The following INSYN2A variants were observed in gnomAD, a reference collection of about 807,000 sequenced individuals.
The protein encoded by INSYN2A is inhibitory synaptic factor 2A.
INSYN2A carries 17 observed loss-of-function variants against 39.4 expected under a neutral mutation model. The ratio of observed to expected loss-of-function variants is 0.43; its 90% confidence interval spans 0.30 to 0.65. INSYN2A has a LOEUF of 0.65. Ranked by LOEUF, INSYN2A falls within the 30% of genes least tolerant of loss-of-function variation. INSYN2A has a pLI of 0.14. For missense variants in INSYN2A, 595 were observed against 631.2 expected (o/e 0.94, Z 0.61); for synonymous variants, 255 against 265.7 (o/e 0.96, Z 0.39).
rs2050743416 is a variant in INSYN2A at position 127,136,827 on chromosome 10, G to A, written c.*1010C>T. The A allele has an allele frequency of 1.3e-5, 2 of 152,562 alleles. No individual in the cohort carries two copies. The highest frequency in any genetic ancestry group is 4.1e-4 in the South Asian group (2 of 4,822). The allele number at this position is 152,562 out of a possible 1,614,324, so 9.5% of individuals were successfully genotyped here. A position where few individuals can be genotyped will look rare whatever the true frequency, so the allele number is the denominator to read the frequency against. On this transcript the variant is annotated 3_prime_UTR_variant, in exon 6 of 6. Coordinates refer to ENST00000522781, the MANE Select transcript of INSYN2A (RefSeq NM_001039762.3). ...GCACTGTTTCTCTTTGAGATGGTCA[G>A]GGCTTCCACCATTAATACAAAGCAT...
intron 4 of INSYN2A, among the ~76,000 whole-genome samples, chr10:127,173,672 G>C (rs1224508504): frequency 6.6e-6 from 1 of 151,966 alleles, no homozygotes; most frequent in African/African-American, 2.4e-5. Context: ...TCAGTGACTG[G>C]GTCAATGTTT....
Position 127,175,401 on chromosome 10 carries a change from C to T in INSYN2A, c.995G>A (p.Gly332Glu). 1 of 1,613,698 alleles carries T rather than the reference C, an allele frequency of 6.2e-7. No homozygotes were observed. Among genetic ancestry groups the T allele is most frequent in the Non-Finnish European group, 8.5e-7 (1 of 1,180,044 alleles). ...AACCGCTGTGGGACTAGGCTGGTTC[C>T]CCAGCCCCGGCGGGGTGTGAGTCTG... ...PSQTHTPPGL[G>E]NQPSPTAVAA... Residue 332 changes from glycine (G) to glutamate (E), a missense_variant, in exon 4 of 6, where the codon GGG becomes GAG. Physicochemically the swap from Gly to Glu is moderately conservative, Grantham distance 98. Transcript: ENST00000522781. The surrounding 1 kb of genome is among the most constrained non-coding windows in gnomAD (Gnocchi z 6.3).
intron 4 of INSYN2A, among the ~76,000 whole-genome samples, chr10:127,174,515 C>A (rs146958820): frequency 5.3e-5 from 8 of 152,262 alleles, no homozygotes; most frequent in African/African-American, 1.7e-4. Flanking sequence ...GCAAGATGGT[C>A]TTATCAACGC....
At chr10:127,149,738 G>A (rs1018822801) in intron 5 of INSYN2A, among the ~76,000 whole-genome samples, 1 of 152,204 alleles carries the variant, frequency 6.6e-6, no homozygotes, top group African/African-American at 2.4e-5. Flanking sequence ...TGGCAGCTGT[G>A]ATGGCCCCAC....
In INSYN2A at chr10:127,196,533, C is replaced by T. The variant is rs1402702199; in HGVS notation, c.-931G>A. On this transcript the variant is annotated 5_prime_UTR_variant, in exon 1 of 6. Transcript: ENST00000522781. ...AGCCGGGCGGCCAGAGGCGAGGGCG[C>T]CCCAAGCCGCGCGCCTGCCGCCTGT... Among the ~76,000 whole-genome samples the T allele has an allele frequency of 2.0e-5, 3 of 147,434 alleles. No homozygotes were observed. The highest frequency in any genetic ancestry group is 7.3e-5 in the African/African-American group (3 of 40,850).
chr10:127,155,002 T>C (rs1469134247), intron 4 of INSYN2A, among the ~76,000 whole-genome samples: 2 of 152,196 alleles, frequency 1.3e-5, no homozygotes, highest in Admixed American at 6.5e-5. Flanking sequence ...TTCTGGATAT[T>C]ATTTTGTGTC....
At position 127,176,312 on chromosome 10, in the gene INSYN2A, C is replaced by T. The variant is rs772129249; in HGVS notation, c.84G>A (p.Met28Ile). The T allele has an allele frequency of 6.2e-7, 1 of 1,614,116 alleles. No individual in the cohort carries two copies. Among genetic ancestry groups the T allele is most frequent in the South Asian group, 1.1e-5 (1 of 91,066 alleles). ...GCCGGTTGGGGTCCAGGGCGTATTT[C>T]ATCTCCAGGGCCAGGCAGGCGGCGG... ...VEPAACLALE[M>I]KYALDPNRQI... The change falls in exon 4 of 6, where the codon ATG becomes ATA. Residue 28 changes from methionine (M) to isoleucine (I), a missense_variant. Met to Ile is a conservative substitution (Grantham distance 10, BLOSUM62 1). This residue lies in a region of INSYN2A where 478 missense variants were observed against 467.4 expected (regional missense o/e 1.02). Coordinates refer to ENST00000522781, the MANE Select transcript of INSYN2A (RefSeq NM_001039762.3). The surrounding 1 kb of genome is among the most constrained non-coding windows in gnomAD (Gnocchi z 4.4).
rs181688928 is a variant in INSYN2A at position 127,138,093 on chromosome 10, G to A, written c.1257-73C>T. ...TGAAGATCCCTCTTAGTGTCAGCAAGATTTGGGCATGATCAGTGTGTGTTT... is the reference window on the plus strand; with the variant it reads ...TGAAGATCCCTCTTAGTGTCAGCAAAATTTGGGCATGATCAGTGTGTGTTT... On this transcript the variant is annotated intron_variant, in intron 5 of 5. Coordinates refer to ENST00000522781, the MANE Select transcript of INSYN2A (RefSeq NM_001039762.3). 1.6e-5 allele frequency: 21 copies of A among 1,336,166 alleles called. No homozygotes were observed. In the African/African-American group the frequency reaches 2.9e-4, roughly 19 times the overall value. 82.8% of individuals were successfully genotyped at this position (1,336,166 alleles called of 1,614,324 possible).
chr10:127,142,875 T>C (rs1184870655), intron 5 of INSYN2A, among the ~76,000 whole-genome samples: 2 of 152,220 alleles, frequency 1.3e-5, no homozygotes, highest in African/African-American at 4.8e-5. Context: ...ATGAAAGTTT[T>C]AAGTGTGGGG....
chr10:127,146,671 G>GA (rs1453559406), intron 5 of INSYN2A, among the ~76,000 whole-genome samples: 1 of 152,136 alleles, frequency 6.6e-6, no homozygotes, highest in Non-Finnish European at 1.5e-5. Flanking sequence ...GGCAAAAGGC[G>GA]AATTTCCCCC....
chr10:127,173,428 A>G (rs1317189277), intron 4 of INSYN2A, among the ~76,000 whole-genome samples: 1 of 152,158 alleles, frequency 6.6e-6, no homozygotes, highest in Non-Finnish European at 1.5e-5. Flanking sequence ...GCAATCTTCC[A>G]TACTTGTTCT....
At chr10:127,185,408 C>T (rs2056137232) in intron 2 of INSYN2A, among the ~76,000 whole-genome samples, 1 of 152,130 alleles carries the variant, frequency 6.6e-6, no homozygotes, top group South Asian at 2.1e-4. Context: ...TGCCTGTAAT[C>T]CCAGCTACTT....
rs944603695 is a variant in INSYN2A, at chr10:127,137,369, C to T, written c.*468G>A. ...AATTTGATGTGCTGAAAATTGCACTCGCCCCCTGCTTATTTGCAAAATGAA... is the reference window on the plus strand; with the variant it reads ...AATTTGATGTGCTGAAAATTGCACTTGCCCCCTGCTTATTTGCAAAATGAA... On this transcript the variant is annotated 3_prime_UTR_variant, in exon 6 of 6. Transcript: ENST00000522781. The T allele has an allele frequency of 1.3e-5, 2 of 153,398 alleles. No individual in the cohort carries two copies. Among genetic ancestry groups the T allele is most frequent in the African/African-American group, 4.8e-5 (2 of 41,436 alleles). 9.5% of individuals were successfully genotyped at this position (153,398 alleles called of 1,614,324 possible). A position where few individuals can be genotyped will look rare whatever the true frequency, so the allele number is the denominator to read the frequency against.
Position 127,175,983 on chromosome 10 carries a change from C to T in INSYN2A, c.413G>A (p.Ser138Asn). The T allele has an allele frequency of 3.1e-6, 5 of 1,614,216 alleles. No individual in the cohort carries two copies. The highest frequency in any genetic ancestry group is 4.2e-6 in the Non-Finnish European group (5 of 1,180,042). Residue 138 changes from serine to asparagine, a missense_variant, in exon 4 of 6, where the codon AGC (serine) becomes AAC (asparagine). By Grantham distance (46) the Ser-to-Asn change is conservative (BLOSUM62 1). Transcript: ENST00000522781. This position sits in a 1 kb window ranked among gnomAD's most constrained non-coding sequence, Gnocchi z 6.3. ...ATCTGTTAGAAACCCATTGTTTTGG[C>T]TTTTAAAGGGATCTGCAGCTGGGAG... ...KSLPAADPFK[S>N]QNNGFLTDAK...
At chr10:127,171,936 C>T (rs1454301451) in intron 4 of INSYN2A, among the ~76,000 whole-genome samples, 1 of 152,172 alleles carries the variant, frequency 6.6e-6, no homozygotes, top group African/African-American at 2.4e-5. Flanking sequence ...AACTCCTGAC[C>T]TCAAGTGATC....
chr10:127,187,576 G>T (rs1355297849), intron 2 of INSYN2A, among the ~76,000 whole-genome samples: 1 of 152,078 alleles, frequency 6.6e-6, no homozygotes, highest in Admixed American at 6.6e-5. Context: ...ATCCTGCCAC[G>T]TAGAAGAAAA....
At chr10:127,180,978 C>A (rs1228768888) in intron 2 of INSYN2A, among the ~76,000 whole-genome samples, 1 of 151,998 alleles carries the variant, frequency 6.6e-6, no homozygotes, top group East Asian at 1.9e-4. Flanking sequence ...TCTGGTTTTG[C>A]CAATGAAAAT....
chr10:127,148,573 G>A (rs1224809892), intron 5 of INSYN2A, among the ~76,000 whole-genome samples: 2 of 152,258 alleles, frequency 1.3e-5, no homozygotes, highest in South Asian at 2.1e-4. Context: ...CTGGTTTGCC[G>A]ATGATGTTTC....
intron 1 of INSYN2A, among the ~76,000 whole-genome samples, chr10:127,194,642 C>T (rs936535277): frequency 2.0e-5 from 3 of 152,148 alleles, no homozygotes; most frequent in African/African-American, 7.2e-5. Context: ...ATCAAGTACC[C>T]AGCCAGCGCA....
Sources: allele counts gnomAD v4.1 joint callset (sites outside exome capture counted in the v4.1 genomes callset), GRCh38; gene constraint gnomAD v4.1.1; regional missense constraint gnomAD v4.1.1; non-coding constraint Gnocchi (gnomAD v3.1); transcripts MANE v1.5; gene names NCBI Gene and HGNC (gene_info 2026-07-23, HGNC 2026-07-21).